RFNG: variants seen among roughly 807,000 people sequenced by gnomAD.
RFNG encodes the protein RFNG O-fucosylpeptide 3-beta-N-acetylglucosaminyltransferase.
Under a neutral mutation model 29.6 loss-of-function variants are expected in RFNG, and 37 were observed. The ratio of observed to expected loss-of-function variants is 1.25; its 90% CI spans 0.96 to 1.65. The LOEUF is 1.65. Ranked by LOEUF, RFNG falls within the 40% of genes most tolerant of loss-of-function variation. The pLI is 0.00. For synonymous variants in RFNG, 276 were observed against 197.3 expected (o/e 1.40, Z -3.34); for missense variants, 546 against 457.0 (o/e 1.19, Z -1.78).
chr17:82,048,897 G>T (rs888042304), intron 7 of RFNG, 90 bp from the exon 8 acceptor site: 2 of 1,448,610 alleles, frequency 1.4e-6, no homozygotes, highest in African/African-American at 1.4e-5. Flanking sequence ...TGGGGTCAGG[G>T]CCGTGGGTAC....
At chr17:82,050,817 G>A (rs1395911189) in intron 2 of RFNG, 53 bp from the exon 3 acceptor site, 2 of 1,569,710 alleles carry the variant, frequency 1.3e-6, no homozygotes, top group Non-Finnish European at 1.7e-6. Flanking sequence ...TGGGGTTGGG[G>A]TAAGGCCTGT....
chr17:82,051,446 G>A lies in RFNG; in HGVS notation c.267+54C>T. 1 of 1,349,790 alleles carries A rather than the reference G, an allele frequency of 7.4e-7. No individual in the cohort carries two copies. Among genetic ancestry groups the A allele is most frequent in the South Asian group, 1.9e-5 (1 of 51,328 alleles). The allele number at this position is 1,349,790 out of a possible 1,614,324, so 83.6% of individuals were successfully genotyped here. ...GGGCCTGGGCCGGGCCTAGACCCTG[G>A]GAGGCGGGGCGGGTGGGCGTGGGGC... On this transcript the variant is annotated intron_variant, in intron 1 of 7. Transcript: ENST00000310496. The surrounding 1 kb of genome is among the most constrained non-coding windows in gnomAD (Gnocchi z 4.1).
Position 82,051,140 on chromosome 17 carries a change from G to C in RFNG, c.316+154C>G, listed in dbSNP as rs1004391283. The stretch of plus-strand genomic sequence containing the variant: ...GCTTGGCTGGCAGGGTGGGCCCTCC[G>C]CAGGCCGCGTGACCTGGGCAGCGTC... On this transcript the variant is annotated intron_variant, in intron 2 of 7. Transcript: ENST00000310496. This position sits in a 1 kb window ranked among gnomAD's most constrained non-coding sequence, Gnocchi z 4.1. The C allele has an allele frequency of 1.5e-6, 2 of 1,317,294 alleles. No homozygotes were observed. The highest frequency in any genetic ancestry group is 4.7e-5 in the South Asian group (2 of 42,178). The allele number at this position is 1,317,294 out of a possible 1,614,324, so 81.6% of individuals were successfully genotyped here.
In RFNG at chr17:82,048,736, G is replaced by A. The variant is rs1054503623; in HGVS notation, c.986C>T (p.Thr329Ile). The A allele has an allele frequency of 2.2e-5, 36 of 1,612,762 alleles. No individual in the cohort carries two copies. Among genetic ancestry groups the A allele is most frequent in the Non-Finnish European group, 3.0e-5 (35 of 1,179,782 alleles). Residue 329 changes from threonine (T) to isoleucine (I), a missense_variant, in exon 8 of 8, where the codon ACC becomes ATC. By Grantham distance (89) the Thr-to-Ile change is moderately conservative. Coordinates refer to ENST00000310496, the MANE Select transcript of RFNG (RefSeq NM_002917.2). ...TCGGGGTGGTTGGTGTCACCGAGAGGTCGGGGCGCCCTGTTTCTGCCTGGG... is the reference window on the plus strand; with the variant it reads ...TCGGGGTGGTTGGTGTCACCGAGAGATCGGGGCGCCCTGTTTCTGCCTGGG... ...WCPRQKQGAPTSR is the reference protein window; with the variant it reads ...WCPRQKQGAPISR
rs1015473605 is a variant in RFNG, at chr17:82,051,593, G to A, written c.174C>T (p.Asp58=). 4.6e-6 allele frequency: 6 copies of A among 1,306,602 alleles called. No homozygotes were observed. The highest frequency in any genetic ancestry group is 5.8e-6 in the Non-Finnish European group (6 of 1,026,288). 80.9% of individuals were successfully genotyped at this position (1,306,602 alleles called of 1,614,324 possible). Residue 58 remains aspartate, a synonymous_variant, in exon 1 of 8, where the codon GAC becomes GAT. Transcript: ENST00000310496. This position sits in a 1 kb window ranked among gnomAD's most constrained non-coding sequence, Gnocchi z 4.1. Reference sequence around the variant, plus strand: ...TGGTCTTGACGGCGATGAAGACGTCGTCAGGCCGCAGGCTGGGGGCAGCGG... The same window carrying A: ...TGGTCTTGACGGCGATGAAGACGTCATCAGGCCGCAGGCTGGGGGCAGCGG... ...SRPAAPSLRP[D]DVFIAVKTTR...
chr17:82,050,090 T>TAAGA, intron 4 of RFNG, 84 bp from the exon 5 acceptor site: 3 of 1,221,250 alleles, frequency 2.5e-6, no homozygotes, highest in Non-Finnish European at 3.5e-6. Flanking sequence ...GCATCTTTCT[T>TAAGA]AAGCTGCCCC....
chr17:82,050,603 A>G (rs753707786), intron 3 of RFNG, 48 bp from the exon 4 acceptor site: 100 of 1,608,110 alleles, frequency 6.2e-5, no homozygotes, highest in Non-Finnish European at 8.5e-5. Flanking sequence ...ATGGCTGGAC[A>G]GGAGGCCCCC....
chr17:82,051,012 C>G lies in RFNG; in HGVS notation c.317-248G>C. 1 of 1,409,042 alleles carries G rather than the reference C, an allele frequency of 7.1e-7. No homozygotes were observed. Among genetic ancestry groups the G allele is most frequent in the Non-Finnish European group, 9.2e-7 (1 of 1,086,284 alleles). The allele number at this position is 1,409,042 out of a possible 1,614,324, so 87.3% of individuals were successfully genotyped here. The stretch of plus-strand genomic sequence containing the variant: ...CAGGACGGAGGCAGCTCGCCCTGAC[C>G]TGGCCTGGAAGGGCGGATTCCCTGC... On this transcript the variant is annotated intron_variant, in intron 2 of 7. Transcript: ENST00000310496. The surrounding 1 kb of genome is among the most constrained non-coding windows in gnomAD (Gnocchi z 4.1).
In RFNG at chr17:82,048,788, G is replaced by C; in HGVS notation, c.934C>G (p.Leu312Val). 1.2e-6 allele frequency: 2 copies of C among 1,613,270 alleles called. No individual in the cohort carries two copies. The change falls in exon 8 of 8, where the codon CTT becomes GTT. Residue 312 changes from leucine to valine, a missense_variant. By Grantham distance (32) the Leu-to-Val change is conservative. Transcript: ENST00000310496. ...CACCAGTCCGTGTCTGGGTACAGAA[G>C]ACAATGGATAGACTTAAACCTGGGG... ...DPTRFKSIHC[L>V]LYPDTDWCPR...
At chr17:82,049,522 A>T in intron 6 of RFNG, 155 bp downstream of exon 6, 1 of 883,010 alleles carries the variant, frequency 1.1e-6, no homozygotes, top group Non-Finnish European at 1.8e-6. Context: ...CCCTGTGTCC[A>T]ACAGGCCAAG....
chr17:82,050,790 C>A (rs769545262), intron 2 of RFNG, 26 bp from the exon 3 acceptor site: 1 of 1,607,640 alleles, frequency 6.2e-7, no homozygotes. Context: ...GGGAAGCACG[C>A]ACGTAGAGGA....
chr17:82,050,972 T>A, intron 2 of RFNG: 2 of 1,428,362 alleles, frequency 1.4e-6, no homozygotes, highest in Non-Finnish European at 1.8e-6. Context: ...TCGGTTGGGA[T>A]CTCTTGAGTG....
Position 82,051,685 on chromosome 17 carries a change from G to A in RFNG, c.82C>T (p.Pro28Ser), listed in dbSNP as rs1307417817. 1.0e-6 allele frequency: 1 copy of A among 1,004,046 alleles called. No individual in the cohort carries two copies. The highest frequency in any genetic ancestry group is 1.1e-4 in the East Asian group (1 of 9,516). The allele number at this position is 1,004,046 out of a possible 1,614,324, so 62.2% of individuals were successfully genotyped here. The change falls in exon 1 of 8, where the codon CCG becomes TCG. Residue 28 changes from proline to serine, a missense_variant. Physicochemically the swap from Pro to Ser is moderately conservative, Grantham distance 74. Transcript: ENST00000310496. This position sits in a 1 kb window ranked among gnomAD's most constrained non-coding sequence, Gnocchi z 4.1. ...ALAALLLLPLPLPRAPAPART... is the reference protein window; with the variant it reads ...ALAALLLLPLSLPRAPAPART... Reference sequence around the variant, plus strand: ...GCCGGGGCGGGCGCGCGGGGCAGCGGCAGCGGCAGTAACAGCAGCGCGGCC... The same window carrying A: ...GCCGGGGCGGGCGCGCGGGGCAGCGACAGCGGCAGTAACAGCAGCGCGGCC...
chr17:82,050,823 C>CA, intron 2 of RFNG, 59 bp from the exon 3 acceptor site: 1 of 1,555,714 alleles, frequency 6.4e-7, no homozygotes, highest in South Asian at 1.1e-5. Context: ...TGGGGTAAGG[C>CA]CTGTGCCCCA....
At position 82,050,510 on chromosome 17, in the gene RFNG, G is replaced by C. The variant is rs771449990; in HGVS notation, c.465C>G (p.Ser155Arg). The part of the protein sequence containing the change: ...VDDDNYVNAR[S>R]LLHLLSSFSP... ...AGAAGCTGGAGAGCAGGTGCAGGAG[G>C]CTCCTGGCGTTCACATAATTGTCAT... Residue 155 changes from serine (S) to arginine (R), a missense_variant, in exon 4 of 8, where the codon AGC becomes AGG. Transcript: ENST00000310496. 4.3e-6 allele frequency: 7 copies of C among 1,612,838 alleles called. No individual in the cohort carries two copies. Among genetic ancestry groups the C allele is most frequent in the Non-Finnish European group, 5.9e-6 (7 of 1,179,844 alleles).
intron 4 of RFNG, 146 bp from the exon 5 acceptor site, chr17:82,050,152 G>A (rs2030249274): frequency 1.2e-6 from 1 of 824,510 alleles, no homozygotes. Context: ...AAAGAGCCGG[G>A]GGCTTCTGCA....
rs369968359 is a variant in RFNG, at chr17:82,051,348, G to A, written c.268-6C>T. On this transcript the variant is annotated splice_polypyrimidine_tract_variant and splice_region_variant and intron_variant, in intron 1 of 7. Transcript: ENST00000310496. The surrounding 1 kb of genome is among the most constrained non-coding windows in gnomAD (Gnocchi z 4.1). ...CCGTCGGTGAAGATAAACGTCTGGG[G>A]GAGAAACAATCTATGAGGCTTCTGG... The A allele has an allele frequency of 2.0e-5, 29 of 1,468,228 alleles. No homozygotes were observed. The African/African-American group carries it at 3.4e-4, about 17-fold the overall frequency. The allele number at this position is 1,468,228 out of a possible 1,614,324, so 91.0% of individuals were successfully genotyped here. A position where few individuals can be genotyped will look rare whatever the true frequency, so the allele number is the denominator to read the frequency against.
Position 82,050,823 on chromosome 17 carries a change from C to T in RFNG, c.317-59G>A, listed in dbSNP as rs1166207363. On this transcript the variant is annotated intron_variant, in intron 2 of 7. Transcript: ENST00000310496. The stretch of plus-strand genomic sequence containing the variant: ...GGATGGCACTGGGGTTGGGGTAAGG[C>T]CTGTGCCCCACCTGCCCCCAAGGGC... The T allele has an allele frequency of 5.1e-6, 8 of 1,555,596 alleles. No homozygotes were observed. The Admixed American group carries it at 1.2e-4, about 23-fold the overall frequency.
chr17:82,049,432 T>C (rs1437644283), intron 6 of RFNG: 8 of 703,510 alleles, frequency 1.1e-5, no homozygotes, highest in African/African-American at 1.7e-5. Context: ...CCAGCTGGCA[T>C]GGGGCCTCAC....
Sources: gnomAD v4.1 joint callset for allele counts on GRCh38, gnomAD v4.1.1 for gene constraint, Gnocchi (gnomAD v3.1) non-coding constraint, MANE v1.5 for transcripts, NCBI Gene and HGNC (gene_info 2026-07-23, HGNC 2026-07-21) for gene names.